The following ARHGAP22 variants were observed in gnomAD, a reference collection of about 807,000 sequenced individuals.
ARHGAP22 encodes the protein Rho GTPase activating protein 22, also known as rho GTPase-activating protein 22.
Under a neutral mutation model 59.1 loss-of-function variants are expected in ARHGAP22, and 48 were observed. The observed-to-expected ratio is 0.81, with a 90% CI of 0.64 to 1.03. The LOEUF (loss-of-function observed/expected upper bound fraction) is 1.03. Among genes scored for constraint, ARHGAP22 ranks in the 50% least tolerant of loss-of-function variants. ARHGAP22 has a pLI of 0.00. For missense variants in ARHGAP22, 1,015 were observed against 958.7 expected (o/e 1.06, Z -0.78); for synonymous variants, 445 against 416.4 (o/e 1.07, Z -0.84).
At chr10:48,651,411 C>T (rs918268027) in intron 1 of ARHGAP22, among the ~76,000 whole-genome samples, 2 of 151,946 alleles carry the variant, frequency 1.3e-5, no homozygotes, top group African/African-American at 4.8e-5. Flanking sequence ...TCATCACCTG[C>T]ATAGTCCACC....
chr10:48,545,404 C>T (rs929589663), intron 3 of ARHGAP22, among the ~76,000 whole-genome samples: 4 of 152,184 alleles, frequency 2.6e-5, no homozygotes, highest in Non-Finnish European at 2.9e-5. Context: ...AACCCCACTG[C>T]AAAGCCAGGA....
chr10:48,557,932 A>T (rs1272650716), intron 2 of ARHGAP22, among the ~76,000 whole-genome samples: 5 of 152,244 alleles, frequency 3.3e-5, no homozygotes, highest in African/African-American at 1.2e-4. Context: ...GAATGGAGTC[A>T]GAACATAGCA....
chr10:48,604,899 G>A lies in ARHGAP22; in HGVS notation c.-103C>T, dbSNP rs2060597994. 39 of 1,588,940 alleles carry A rather than the reference G, an allele frequency of 2.5e-5. No individual in the cohort carries two copies. In the South Asian group the frequency reaches 4.0e-4, roughly 16 times the overall value. On this transcript the variant is annotated 5_prime_UTR_variant, in exon 1 of 10. Transcript: ENST00000249601. Reference sequence around the variant, plus strand: ...GTCGCCCCTCATGTCCTGCTCGTTCGGGGCCCCGTGGCCGCTGGCGTCACC... The same window carrying A: ...GTCGCCCCTCATGTCCTGCTCGTTCAGGGCCCCGTGGCCGCTGGCGTCACC...
At chr10:48,589,441 C>T (rs942863824) in intron 1 of ARHGAP22, among the ~76,000 whole-genome samples, 6 of 152,080 alleles carry the variant, frequency 3.9e-5, no homozygotes, top group Non-Finnish European at 5.9e-5. Context: ...TATTTCTGCC[C>T]GGATCTTACT....
chr10:48,630,250 C>T (rs1264704243), intron 1 of ARHGAP22, among the ~76,000 whole-genome samples: 1 of 152,162 alleles, frequency 6.6e-6, no homozygotes, highest in Non-Finnish European at 1.5e-5. Flanking sequence ...CGCCACCTCG[C>T]TCGGCTAATT....
chr10:48,590,427 T>C (rs1181962489), intron 1 of ARHGAP22, among the ~76,000 whole-genome samples: 1 of 151,888 alleles, frequency 6.6e-6, no homozygotes, highest in African/African-American at 2.4e-5. Flanking sequence ...TCGGTTGTGG[T>C]GGGGGCAAGG....
At position 48,558,191 on chromosome 10, in the gene ARHGAP22, A is replaced by G. The variant is rs1486501788; in HGVS notation, c.235-2641T>C. On this transcript the variant is annotated intron_variant, in intron 2 of 9. Coordinates refer to ENST00000249601, the MANE Select transcript of ARHGAP22 (RefSeq NM_021226.4). ...AGATGCACCATAGTGTTTGCACCAC[A>G]TGGATGCAATGGATGTCAGTAACCT... Among the ~76,000 whole-genome samples, 4 of 152,206 alleles carry G rather than the reference A, an allele frequency of 2.6e-5. No individual in the cohort carries two copies. The South Asian group carries it at 6.2e-4, about 24-fold the overall frequency.
intron 1 of ARHGAP22, among the ~76,000 whole-genome samples, chr10:48,639,485 A>G (rs1227229534): frequency 6.6e-6 from 1 of 152,220 alleles, no homozygotes; most frequent in Non-Finnish European, 1.5e-5. Flanking sequence ...CTACCCATGC[A>G]CAGATCTATG....
upstream of ARHGAP22, among the ~76,000 whole-genome samples, chr10:48,606,934 A>G (rs1264692535): frequency 1.3e-5 from 2 of 152,220 alleles, no homozygotes; most frequent in Non-Finnish European, 2.9e-5. Flanking sequence ...GGCAGATCCA[A>G]GAAACACCAC....
chr10:48,453,462 AG>A lies in ARHGAP22; in HGVS notation c.867-38del, dbSNP rs569077168. ...GGAAGCAGCAGTCATCAAAGAAGCA[AG>A]TTGTGATGCCCAGTCTCCTGTGTGC... is the stretch of plus-strand genomic sequence containing the variant. On this transcript the variant is annotated intron_variant, in intron 7 of 9. Coordinates refer to ENST00000249601, the MANE Select transcript of ARHGAP22 (RefSeq NM_021226.4). The A allele has an allele frequency of 2.2e-5, 35 of 1,610,954 alleles. 1 individual carries two copies. The African/African-American group carries it at 3.3e-4, about 15-fold the overall frequency.
intron 2 of ARHGAP22, among the ~76,000 whole-genome samples, chr10:48,568,411 G>A (rs1564898972): frequency 6.6e-6 from 1 of 152,196 alleles, no homozygotes; most frequent in Non-Finnish European, 1.5e-5. Context: ...AGGCCTCTTT[G>A]CCCCCTGAAG....
At chr10:48,593,132 G>C (rs1031705798) in intron 1 of ARHGAP22, among the ~76,000 whole-genome samples, 3 of 152,166 alleles carry the variant, frequency 2.0e-5, no homozygotes, top group Non-Finnish European at 4.4e-5. Context: ...CCTCCCGGAT[G>C]CCCTAGGGTT....
intron 2 of ARHGAP22, among the ~76,000 whole-genome samples, chr10:48,582,112 C>T (rs2059154482): frequency 6.6e-6 from 1 of 152,208 alleles, no homozygotes; most frequent in South Asian, 2.1e-4. Context: ...CCTCTCTGCC[C>T]CCAAGCTGTG....
intron 2 of ARHGAP22, among the ~76,000 whole-genome samples, chr10:48,565,416 C>G (rs967712551): frequency 6.6e-6 from 1 of 152,168 alleles, no homozygotes; most frequent in Non-Finnish European, 1.5e-5. Flanking sequence ...TCCACCAACC[C>G]GGCTGAACCT....
At chr10:48,605,214 G>A, upstream of ARHGAP22, 2 of 977,018 alleles carry the variant, frequency 2.0e-6, no homozygotes, top group Non-Finnish European at 2.5e-6. Context: ...GAGGGTACTG[G>A]GGTTCCGGCC....
At chr10:48,577,798 TTG>T (rs1564919469) in intron 2 of ARHGAP22, among the ~76,000 whole-genome samples, 2,595 of 80,298 alleles carry the variant, frequency 0.032, 98 homozygotes, top group African/African-American at 0.097. Flanking sequence ...CTGCTCTTTT[TTG>T]GTTTTTTTTT....
At chr10:48,560,802 A>G (rs2057637844) in intron 2 of ARHGAP22, among the ~76,000 whole-genome samples, 1 of 152,182 alleles carries the variant, frequency 6.6e-6, no homozygotes, top group South Asian at 2.1e-4. Context: ...GAATTACATT[A>G]ATAATTTTCA....
rs758065324 is a variant in ARHGAP22, at chr10:48,479,577, G to A, written c.451+59C>T. On this transcript the variant is annotated intron_variant, in intron 4 of 9. Transcript: ENST00000249601. ...TCTTTGGGGCTCAGGACAGGCAGGGGGCATGATTACCTGGAGGCAAGGGTT... is the reference window on the plus strand; with the variant it reads ...TCTTTGGGGCTCAGGACAGGCAGGGAGCATGATTACCTGGAGGCAAGGGTT... 3 of 1,612,968 alleles carry A rather than the reference G, an allele frequency of 1.9e-6. No individual in the cohort carries two copies. In the Admixed American group the frequency reaches 5.0e-5, roughly 27 times the overall value.
intron 9 of ARHGAP22, 71 bp from the exon 10 acceptor site, chr10:48,446,690 C>A: frequency 6.9e-7 from 1 of 1,449,476 alleles, no homozygotes; most frequent in South Asian, 1.3e-5. Flanking sequence ...GTATACCATG[C>A]TTGTGCTCAC....
Sources: allele counts gnomAD v4.1 joint callset (sites outside exome capture counted in the v4.1 genomes callset), GRCh38; gene constraint gnomAD v4.1.1; transcripts MANE v1.5; gene names NCBI Gene and HGNC (gene_info 2026-07-23, HGNC 2026-07-21).